The following CNTNAP4 variants were observed in gnomAD, a reference collection of about 807,000 sequenced individuals.
CNTNAP4 encodes the protein contactin-associated protein-like 4.
Under a neutral mutation model 148.4 loss-of-function variants are expected in CNTNAP4, and 98 were observed. That is an observed-to-expected ratio of 0.66 (90% CI 0.56 to 0.78). The LOEUF (loss-of-function observed/expected upper bound fraction) is 0.78, where lower values mean the gene tolerates loss of function less well. Ranked by LOEUF, CNTNAP4 falls within the 30% of genes least tolerant of loss-of-function variation. The pLI, the probability that CNTNAP4 is intolerant of heterozygous loss-of-function variation, is 0.00. For missense variants in CNTNAP4, 1,935 were observed against 1,565.6 expected (o/e 1.24, Z -3.98); for synonymous variants, 730 against 565.1 (o/e 1.29, Z -4.14).
At chr16:76,440,083 A>G (rs999133016) in intron 4 of CNTNAP4, among the ~76,000 whole-genome samples, 1 of 152,168 alleles carries the variant, frequency 6.6e-6, no homozygotes, top group African/African-American at 2.4e-5. Flanking sequence ...ATAAATAAAC[A>G]GTATGATCAG....
chr16:76,535,749 CTT>C lies in CNTNAP4; in HGVS notation c.2962_2963del (p.Phe988LeufsTer11), dbSNP rs750768398. Reference sequence around the variant, plus strand: ...CCCATTGGGTTCTTTTGTGACTGCACTTTCTCTGCATACACAGGGCCATTCTG... The same window carrying C: ...CCCATTGGGTTCTTTTGTGACTGCACTCTCTGCATACACAGGGCCATTCTG... On this transcript the variant is annotated frameshift_variant, in exon 18 of 24. Coordinates refer to ENST00000611870, the MANE Select transcript of CNTNAP4 (RefSeq NM_033401.5). LOFTEE classifies it high-confidence loss of function. 1 of 1,613,892 alleles carries C rather than the reference CTT, an allele frequency of 6.2e-7. No homozygotes were observed. Among genetic ancestry groups the C allele is most frequent in the South Asian group, 1.1e-5 (1 of 91,052 alleles).
chr16:76,391,939 T>G (rs2017035868), intron 3 of CNTNAP4, among the ~76,000 whole-genome samples: 1 of 152,234 alleles, frequency 6.6e-6, no homozygotes, highest in South Asian at 2.1e-4. Context: ...TCAGTGTCAA[T>G]AAATAATACG....
intron 1 of CNTNAP4, among the ~76,000 whole-genome samples, chr16:76,299,147 T>C (rs2143911362): frequency 6.6e-6 from 1 of 152,178 alleles, no homozygotes; most frequent in Non-Finnish European, 1.5e-5. Context: ...AATTGACAAA[T>C]GGGATCTAAT....
chr16:76,410,737 C>T (rs1308328419), intron 3 of CNTNAP4, among the ~76,000 whole-genome samples: 2 of 151,510 alleles, frequency 1.3e-5, no homozygotes, highest in African/African-American at 4.8e-5. Flanking sequence ...GGTCAGAAAA[C>T]CCAAAATAAC....
chr16:76,439,273 A>C (rs1187537471), intron 4 of CNTNAP4, among the ~76,000 whole-genome samples: 3 of 152,210 alleles, frequency 2.0e-5, no homozygotes, highest in Admixed American at 1.3e-4. Context: ...AATGTATTAC[A>C]TTCATACAGC....
intron 2 of CNTNAP4, among the ~76,000 whole-genome samples, chr16:76,332,196 G>C (rs1963588283): frequency 6.6e-6 from 1 of 150,550 alleles, no homozygotes; most frequent in Non-Finnish European, 1.5e-5. Flanking sequence ...GGTTTATCTG[G>C]CTTTGTGTTT....
In CNTNAP4 at chr16:76,442,619, A is replaced by C. The variant is rs117423809; in HGVS notation, c.539-5393A>C. 1.1e-3 allele frequency among the ~76,000 whole-genome samples: 173 copies of C among 152,238 alleles called. 2 individuals are homozygous for C. In the East Asian group the frequency reaches 0.026, roughly 23 times the overall value. ...GGATGTGGAAAAGTGCAAAAAGGCAAAACCTGAGGGGTGTCTTGCTTTATA... is the reference window on the plus strand; with the variant it reads ...GGATGTGGAAAAGTGCAAAAAGGCACAACCTGAGGGGTGTCTTGCTTTATA... On this transcript the variant is annotated intron_variant, in intron 4 of 23. Transcript: ENST00000611870.
At chr16:76,409,741 G>A (rs568083161) in intron 3 of CNTNAP4, among the ~76,000 whole-genome samples, 184 of 152,016 alleles carry the variant, frequency 1.2e-3, no homozygotes, top group Non-Finnish European at 1.3e-3. Context: ...AAATGGAATT[G>A]TCACTTTGAT....
At chr16:76,303,058 G>A (rs891633689) in intron 1 of CNTNAP4, among the ~76,000 whole-genome samples, 49 of 152,258 alleles carry the variant, frequency 3.2e-4, no homozygotes, top group African/African-American at 1.2e-3. Context: ...CTAAAACAGT[G>A]GAAATGAACC....
chr16:76,398,425 A>G (rs536607390), intron 3 of CNTNAP4, among the ~76,000 whole-genome samples: 5 of 152,216 alleles, frequency 3.3e-5, no homozygotes, highest in African/African-American at 9.6e-5. Flanking sequence ...GTGATACTGC[A>G]TTCTGTGCAC....
chr16:76,477,910 A>G (rs890884069), intron 11 of CNTNAP4, among the ~76,000 whole-genome samples: 2 of 152,224 alleles, frequency 1.3e-5, no homozygotes, highest in Non-Finnish European at 2.9e-5. Context: ...AGTTACTTTC[A>G]TCTGTGACCC....
At chr16:76,381,076 A>G (rs1288884584) in intron 3 of CNTNAP4, among the ~76,000 whole-genome samples, 1 of 152,166 alleles carries the variant, frequency 6.6e-6, no homozygotes, top group Admixed American at 6.5e-5. Flanking sequence ...AGTTACACAC[A>G]ATTACTTTTG....
At chr16:76,322,237 C>T (rs114220150) in intron 2 of CNTNAP4, among the ~76,000 whole-genome samples, 3 of 152,294 alleles carry the variant, frequency 2.0e-5, no homozygotes, top group African/African-American at 7.2e-5. Context: ...CCTGATATTT[C>T]TGTCTTGAGC....
intron 3 of CNTNAP4, among the ~76,000 whole-genome samples, chr16:76,363,270 C>G (rs566472398): frequency 2.0e-5 from 3 of 150,690 alleles, no homozygotes; most frequent in African/African-American, 7.3e-5. Flanking sequence ...TCAAGTGATT[C>G]TCCTGCCTCA....
intron 17 of CNTNAP4, among the ~76,000 whole-genome samples, chr16:76,523,851 A>C (rs2083593751): frequency 6.6e-6 from 1 of 152,162 alleles, no homozygotes; most frequent in Admixed American, 6.6e-5. Flanking sequence ...GGATGGTTGA[A>C]CCCAGTAATT....
chr16:76,498,436 A>G, intron 14 of CNTNAP4, 131 bp from the exon 15 acceptor site: 1 of 570,504 alleles, frequency 1.8e-6, no homozygotes, highest in Non-Finnish European at 3.0e-6. Flanking sequence ...TTCTGTTTTT[A>G]TGTGCTCCGA....
At chr16:76,554,997 G>A (rs2085130548) in intron 23 of CNTNAP4, among the ~76,000 whole-genome samples, 1 of 149,552 alleles carries the variant, frequency 6.7e-6, no homozygotes, top group South Asian at 2.2e-4. Flanking sequence ...CGTATTACTG[G>A]CACAAAAACT....
intron 1 of CNTNAP4, among the ~76,000 whole-genome samples, chr16:76,315,696 G>A (rs1426612356): frequency 6.6e-6 from 1 of 152,034 alleles, no homozygotes; most frequent in Admixed American, 6.5e-5. Context: ...TCAGGTTAAA[G>A]CGATTCTCCT....
intron 10 of CNTNAP4, among the ~76,000 whole-genome samples, chr16:76,473,867 TTTTG>T (rs1180168115): frequency 0.23 from 5,539 of 23,738 alleles, 250 homozygotes; most frequent in South Asian, 0.44. Flanking sequence ...TTTTGTTTTG[TTTTG>T]TTTTTTAATC....
Sources: gnomAD v4.1 joint callset for allele counts (sites outside exome capture counted in the v4.1 genomes callset) on GRCh38, gnomAD v4.1.1 for gene constraint, MANE v1.5 for transcripts, NCBI Gene and HGNC (gene_info 2026-07-23, HGNC 2026-07-21) for gene names.